Variants in MYO1E observed in about 807,000 individuals in gnomAD.
MYO1E encodes unconventional myosin-Ie.
A neutral mutation model predicts 151.1 loss-of-function variants in MYO1E; 68 were observed. The observed-to-expected ratio is 0.45, with a 90% CI of 0.37 to 0.55. The LOEUF (loss-of-function observed/expected upper bound fraction) is 0.55, where lower values mean the gene tolerates loss of function less well. Among genes scored for constraint, MYO1E ranks in the 20% least tolerant of loss-of-function variants. The pLI, the probability that MYO1E is intolerant of heterozygous loss-of-function variation, is 0.00. For missense variants in MYO1E, 1,363 were observed against 1,389.3 expected (o/e 0.98, Z 0.30); for synonymous variants, 601 against 501.7 (o/e 1.20, Z -2.64).
chr15:59,187,446 T>G (rs1443188732), intron 18 of MYO1E, among the ~76,000 whole-genome samples: 2 of 152,206 alleles, frequency 1.3e-5, no homozygotes, highest in Non-Finnish European at 2.9e-5. Flanking sequence ...GGCAAGGATT[T>G]AGATAAATTG....
chr15:59,282,791 T>C (rs2140390326), intron 1 of MYO1E, among the ~76,000 whole-genome samples: 2 of 143,406 alleles, frequency 1.4e-5, no homozygotes, highest in East Asian at 4.1e-4. Flanking sequence ...AAGGCTGCAG[T>C]GAGCCGTGAC....
intron 1 of MYO1E, among the ~76,000 whole-genome samples, chr15:59,333,401 C>T (rs763525997): frequency 2.6e-4 from 39 of 152,204 alleles, no homozygotes; most frequent in Non-Finnish European, 3.5e-4. Flanking sequence ...CACCACCGCG[C>T]CTGGGTAATT....
chr15:59,166,333 G>A (rs2079562600), intron 22 of MYO1E, among the ~76,000 whole-genome samples: 1 of 152,196 alleles, frequency 6.6e-6, no homozygotes, highest in Admixed American at 6.5e-5. Context: ...TTATTCCTAT[G>A]CTGCAATTCC....
At chr15:59,165,095 C>G (rs1185321415) in intron 22 of MYO1E, among the ~76,000 whole-genome samples, 2 of 152,206 alleles carry the variant, frequency 1.3e-5, no homozygotes, top group African/African-American at 4.8e-5. Context: ...ACTTCCCGGT[C>G]TCTAGAACTG....
chr15:59,189,858 T>C (rs1239007773), intron 17 of MYO1E, among the ~76,000 whole-genome samples: 3 of 152,172 alleles, frequency 2.0e-5, no homozygotes, highest in African/African-American at 7.2e-5. Flanking sequence ...ACAGTAAAAA[T>C]CTAGCAATGT....
intron 1 of MYO1E, among the ~76,000 whole-genome samples, chr15:59,308,671 C>CAAAAAA (rs36088204): frequency 8.0e-6 from 1 of 124,484 alleles, no homozygotes. Flanking sequence ...GACACCATCT[C>CAAAAAA]AAAAAAAAAA....
At chr15:59,237,099 T>C (rs763457635) in intron 4 of MYO1E, among the ~76,000 whole-genome samples, 2 of 151,880 alleles carry the variant, frequency 1.3e-5, no homozygotes, top group Non-Finnish European at 2.9e-5. Flanking sequence ...ATGATTACAA[T>C]TTTTTTTTCT....
intron 6 of MYO1E, among the ~76,000 whole-genome samples, chr15:59,231,493 C>T (rs757806870): frequency 6.4e-4 from 98 of 152,146 alleles, no homozygotes; most frequent in Non-Finnish European, 6.0e-4. Flanking sequence ...AAATGATTTT[C>T]AAAATTATCT....
chr15:59,209,141 T>C, intron 13 of MYO1E: 2 of 462,604 alleles, frequency 4.3e-6, no homozygotes, highest in South Asian at 5.8e-5. Flanking sequence ...CCAAATTGAC[T>C]TGCTTAAGAA....
In MYO1E at chr15:59,296,997, G is replaced by A. The variant is rs1231503395; in HGVS notation, c.4-24548C>T. 1.7e-4 allele frequency among the ~76,000 whole-genome samples: 8 copies of A among 47,428 alleles called. 2 individuals carry two copies. In the East Asian group the frequency reaches 2.8e-3, roughly 16 times the overall value. 31.1% of individuals were successfully genotyped at this position (47,428 alleles called of 152,430 possible). ...TGGGACTACAGGCGCCCGCTACCAC[G>A]CCCGGCTAATCGCCCGGCTAATTTT... On this transcript the variant is annotated intron_variant, in intron 1 of 27. Coordinates refer to ENST00000288235, the MANE Select transcript of MYO1E (RefSeq NM_004998.4).
chr15:59,332,631 C>T (rs1170421898), intron 1 of MYO1E, among the ~76,000 whole-genome samples: 1 of 152,162 alleles, frequency 6.6e-6, no homozygotes, highest in African/African-American at 2.4e-5. Flanking sequence ...GCCACATAAA[C>T]TAACTTTCCC....
At chr15:59,205,522 C>G (rs1274179171) in intron 14 of MYO1E, 37 bp from the exon 15 acceptor site, 2 of 1,542,758 alleles carry the variant, frequency 1.3e-6, no homozygotes, top group Non-Finnish European at 1.8e-6. Context: ...TTTCATTGAA[C>G]AAAATGTAAT....
Position 59,340,109 on chromosome 15 carries a change from G to A in MYO1E, c.3+32389C>T, listed in dbSNP as rs28488024. On this transcript the variant is annotated intron_variant, in intron 1 of 27. Transcript: ENST00000288235. The stretch of plus-strand genomic sequence containing the variant: ...GACCTCAGGTGATCTGCCTGTCTCG[G>A]CCTCCCAAAGTGCTGGGATTACAGG... Among the ~76,000 whole-genome samples, 1,085 of 152,162 alleles carry A rather than the reference G, an allele frequency of 7.1e-3. 14 individuals are homozygous for A. Among genetic ancestry groups the A allele is most frequent in the African/African-American group, 0.025 (1,020 of 41,534 alleles).
intron 1 of MYO1E, among the ~76,000 whole-genome samples, chr15:59,286,543 T>C (rs1334435524): frequency 6.6e-6 from 1 of 152,158 alleles, no homozygotes; most frequent in South Asian, 2.1e-4. Flanking sequence ...AGGGGTACTG[T>C]GTCTGGACGT....
intron 1 of MYO1E, among the ~76,000 whole-genome samples, chr15:59,362,171 A>G (rs756799036): frequency 4.0e-4 from 61 of 152,194 alleles, no homozygotes; most frequent in Non-Finnish European, 3.5e-4. Flanking sequence ...ACAAATACAT[A>G]TATGTACACA....
intron 1 of MYO1E, among the ~76,000 whole-genome samples, chr15:59,331,011 C>T (rs1236388025): frequency 2.0e-5 from 3 of 152,110 alleles, no homozygotes; most frequent in Non-Finnish European, 1.5e-5. Flanking sequence ...CTCAAGCAAT[C>T]CTCCTGTGTC....
Position 59,286,158 on chromosome 15 carries a change from G to C in MYO1E, c.4-13709C>G, listed in dbSNP as rs143288425. 2.5e-3 allele frequency among the ~76,000 whole-genome samples: 387 copies of C among 152,348 alleles called. 1 individual carries two copies. Among genetic ancestry groups the C allele is most frequent in the African/African-American group, 9.0e-3 (374 of 41,582 alleles). ...TCTGAGAAAAAGAACAGTATGCAAAGAGTTATCAGCAGGCTGTGGCAGAGT... is the reference window on the plus strand; with the variant it reads ...TCTGAGAAAAAGAACAGTATGCAAACAGTTATCAGCAGGCTGTGGCAGAGT... On this transcript the variant is annotated intron_variant, in intron 1 of 27. Coordinates refer to ENST00000288235, the MANE Select transcript of MYO1E (RefSeq NM_004998.4).
chr15:59,338,013 T>C (rs1389805002), intron 1 of MYO1E, among the ~76,000 whole-genome samples: 1 of 152,320 alleles, frequency 6.6e-6, no homozygotes, highest in Non-Finnish European at 1.5e-5. Context: ...CTGAGAAATG[T>C]CAGCGAAGAG....
intron 1 of MYO1E, among the ~76,000 whole-genome samples, chr15:59,349,700 C>T (rs1281170278): frequency 6.6e-6 from 1 of 152,112 alleles, no homozygotes; most frequent in African/African-American, 2.4e-5. Context: ...ATCTGCCATC[C>T]ATCCCTCCCC....
Sources: allele counts gnomAD v4.1 joint callset (sites outside exome capture counted in the v4.1 genomes callset), GRCh38; gene constraint gnomAD v4.1.1; transcripts MANE v1.5; gene names NCBI Gene and HGNC (gene_info 2026-07-23, HGNC 2026-07-21).